The following CNTLN variants were observed in gnomAD, a reference collection of about 807,000 sequenced individuals.
The protein encoded by CNTLN is centlein, centrosomal protein.
CNTLN carries 212 observed loss-of-function variants against 180.0 expected under a neutral mutation model. That is an observed-to-expected ratio of 1.18 (90% CI 1.05 to 1.32). CNTLN has a LOEUF of 1.32. Among genes scored for constraint, CNTLN ranks in the 40% most tolerant of loss-of-function variants. CNTLN has a pLI of 0.00. For missense variants in CNTLN, 2,095 were observed against 1,610.9 expected (o/e 1.30, Z -5.14); for synonymous variants, 722 against 563.1 (o/e 1.28, Z -3.99).
Position 17,149,512 on chromosome 9 carries a change from C to CTTT in CNTLN, c.449+6156_449+6158dup, listed in dbSNP as rs55691769. On this transcript the variant is annotated intron_variant, in intron 2 of 25. Transcript: ENST00000380647. ...CTGACTTTTTTTATTTTCTTTCTTT[C>CTTT]TTTTTTTTTTTTTTTTTTTTTTAGA... is the stretch of plus-strand genomic sequence containing the variant. Among the ~76,000 whole-genome samples, 477 of 106,102 alleles carry CTTT rather than the reference C, an allele frequency of 4.5e-3. 15 individuals are homozygous for CTTT. Among genetic ancestry groups the CTTT allele is most frequent in the African/African-American group, 0.015 (398 of 26,406 alleles). 69.6% of individuals were successfully genotyped at this position (106,102 alleles called of 152,430 possible). A position where few individuals can be genotyped will look rare whatever the true frequency, so the allele number is the denominator to read the frequency against.
chr9:17,137,653 CAT>C (rs1458209771), intron 1 of CNTLN, among the ~76,000 whole-genome samples: 2 of 152,142 alleles, frequency 1.3e-5, no homozygotes, highest in African/African-American at 4.8e-5. Context: ...AGGCTTGAAA[CAT>C]ACAGTTTAGG....
At chr9:17,150,415 C>T (rs1422629341) in intron 2 of CNTLN, among the ~76,000 whole-genome samples, 3 of 152,216 alleles carry the variant, frequency 2.0e-5, no homozygotes, top group African/African-American at 2.4e-5. Flanking sequence ...GGAATCTTTT[C>T]CCCATTGCTT....
rs569192021 is a variant in CNTLN, at chr9:17,262,850, G to C, written c.850-10883G>C. On this transcript the variant is annotated intron_variant, in intron 5 of 25. Coordinates refer to ENST00000380647, the MANE Select transcript of CNTLN (RefSeq NM_017738.4). ...GTATGATGTTGGCTGTGGGTTTGTC[G>C]TAGATGGCTCGTAGTATTTTGGGGT... Among the ~76,000 whole-genome samples, 17 of 151,272 alleles carry C rather than the reference G, an allele frequency of 1.1e-4. 1 individual carries two copies. The highest frequency in any genetic ancestry group is 4.2e-4 in the African/African-American group (17 of 40,738).
chr9:17,241,782 A>G (rs925910525), intron 5 of CNTLN, among the ~76,000 whole-genome samples: 3 of 152,004 alleles, frequency 2.0e-5, no homozygotes, highest in African/African-American at 7.3e-5. Flanking sequence ...ACTTTGGTTA[A>G]TTCCTAGGTA....
rs147756199 is a variant in CNTLN, at chr9:17,219,015, A to T, written c.450-7188A>T. Among the ~76,000 whole-genome samples, 247 of 152,328 alleles carry T rather than the reference A, an allele frequency of 1.6e-3. 1 individual carries two copies. The highest frequency in any genetic ancestry group is 5.7e-3 in the African/African-American group (238 of 41,578). ...GTTAGCGTGGTAATTCATGTGGCTA[A>T]GTACAGCATTGTTAAAATGTTTAAA... is the stretch of plus-strand genomic sequence containing the variant. On this transcript the variant is annotated intron_variant, in intron 2 of 25. Transcript: ENST00000380647.
chr9:17,341,025 G>A (rs112338266), intron 11 of CNTLN, 77 bp downstream of exon 11: 1 of 1,298,854 alleles, frequency 7.7e-7, no homozygotes, highest in Non-Finnish European at 1.0e-6. Context: ...TGTCTTAATG[G>A]CTTTTGTTTG....
intron 2 of CNTLN, among the ~76,000 whole-genome samples, chr9:17,199,588 G>A (rs1427262744): frequency 6.6e-6 from 1 of 152,146 alleles, no homozygotes; most frequent in Non-Finnish European, 1.5e-5. Flanking sequence ...TTTCTCTAAT[G>A]ACCAGAGATG....
intron 2 of CNTLN, among the ~76,000 whole-genome samples, chr9:17,155,195 T>G (rs1303383231): frequency 6.6e-6 from 1 of 152,178 alleles, no homozygotes; most frequent in Non-Finnish European, 1.5e-5. Context: ...CTTTAAGAAC[T>G]GTAACACTCA....
intron 18 of CNTLN, among the ~76,000 whole-genome samples, chr9:17,420,757 G>A (rs189043720): frequency 5.3e-5 from 8 of 151,884 alleles, no homozygotes; most frequent in African/African-American, 9.6e-5. Context: ...GTTGTGCTTC[G>A]ATTATTTGTT....
intron 12 of CNTLN, among the ~76,000 whole-genome samples, chr9:17,358,025 T>TA (rs997542817): frequency 2.0e-5 from 3 of 152,118 alleles, no homozygotes; most frequent in African/African-American, 4.8e-5. Context: ...TCTTCAGATA[T>TA]AAAAAAGTTT....
chr9:17,424,697 G>A (rs949378928), intron 18 of CNTLN, among the ~76,000 whole-genome samples: 1 of 152,138 alleles, frequency 6.6e-6, no homozygotes, highest in Admixed American at 6.5e-5. Context: ...ATTAGAGGTA[G>A]GGTAATTAGG....
chr9:17,470,425 A>G (rs1239626240), intron 23 of CNTLN, among the ~76,000 whole-genome samples: 1 of 151,954 alleles, frequency 6.6e-6, no homozygotes, highest in Non-Finnish European at 1.5e-5. Flanking sequence ...TAGTAGTATT[A>G]ATAGTAATAA....
intron 25 of CNTLN, among the ~76,000 whole-genome samples, chr9:17,488,688 T>A (rs570630937): frequency 3.4e-4 from 51 of 152,206 alleles, no homozygotes; most frequent in Non-Finnish European, 5.3e-4. Flanking sequence ...CCAGTGAGTA[T>A]AAAAAAATTC....
At chr9:17,402,427 C>G (rs562794087) in intron 15 of CNTLN, among the ~76,000 whole-genome samples, 2 of 151,824 alleles carry the variant, frequency 1.3e-5, no homozygotes, top group African/African-American at 4.9e-5. Context: ...TACCAAAAGA[C>G]CAGAACTTCC....
chr9:17,397,400 A>G (rs1318214505), intron 15 of CNTLN, among the ~76,000 whole-genome samples: 2 of 152,184 alleles, frequency 1.3e-5, no homozygotes, highest in African/African-American at 4.8e-5. Flanking sequence ...CAAGGAGTGG[A>G]TTATTCATGC....
chr9:17,216,239 C>T (rs1015637610), intron 2 of CNTLN, among the ~76,000 whole-genome samples: 7 of 152,104 alleles, frequency 4.6e-5, no homozygotes, highest in East Asian at 1.9e-4. Context: ...GAACACAAGC[C>T]GTTGAGTCAG....
chr9:17,261,746 A>G (rs753185289), intron 5 of CNTLN, among the ~76,000 whole-genome samples: 1 of 151,392 alleles, frequency 6.6e-6, no homozygotes, highest in Non-Finnish European at 1.5e-5. Flanking sequence ...TTCTAATTAA[A>G]CTAAAGAGGT....
At chr9:17,169,289 C>T (rs1004925890) in intron 2 of CNTLN, among the ~76,000 whole-genome samples, 2 of 152,174 alleles carry the variant, frequency 1.3e-5, no homozygotes, top group African/African-American at 4.8e-5. Context: ...TGAGCCACCA[C>T]ACTTGGCCTT....
Position 17,228,692 on chromosome 9 carries a change from C to T in CNTLN, c.534+2405C>T, listed in dbSNP as rs181564330. ...CATACAGACGACTGTATACCCAGTA[C>T]GTAATTATTAATAGTTATTTCATAG... On this transcript the variant is annotated intron_variant, in intron 3 of 25. Coordinates refer to ENST00000380647, the MANE Select transcript of CNTLN (RefSeq NM_017738.4). 2.4e-4 allele frequency among the ~76,000 whole-genome samples: 36 copies of T among 152,010 alleles called. No individual in the cohort carries two copies. In the East Asian group the frequency reaches 3.5e-3, roughly 15 times the overall value.
Sources: gnomAD v4.1 joint callset for allele counts (sites outside exome capture counted in the v4.1 genomes callset) on GRCh38, gnomAD v4.1.1 for gene constraint, MANE v1.5 for transcripts, NCBI Gene and HGNC (gene_info 2026-07-23, HGNC 2026-07-21) for gene names.